The following ACO2 variants were observed in gnomAD, a reference collection of about 807,000 sequenced individuals.
ACO2 encodes the protein aconitate hydratase, mitochondrial.
Under a neutral mutation model 84.5 loss-of-function variants are expected in ACO2, and 31 were observed. The observed-to-expected ratio is 0.37, with a 90% confidence interval of 0.28 to 0.50. The LOEUF (loss-of-function observed/expected upper bound fraction) is 0.50, where lower values mean the gene tolerates loss of function less well. Ranked by LOEUF, ACO2 falls within the 20% of genes least tolerant of loss-of-function variation. ACO2 has a pLI of 0.97. For missense variants in ACO2, 685 were observed against 1,029.3 expected, an observed-to-expected ratio of 0.67 and a Z score of 4.58; for synonymous variants, 414 against 412.7, an observed-to-expected ratio of 1.00 and a Z score of -0.04.
chr22:41,477,277 CTG>C (rs2038028657), intron 1 of ACO2, among the ~76,000 whole-genome samples: 1 of 151,684 alleles, frequency 6.6e-6, no homozygotes, highest in Non-Finnish European at 1.5e-5. Context: ...CCTCAGCCTC[CTG>C]CGTAGCTGGG....
chr22:41,521,827 T>A (rs1343100764), intron 9 of ACO2, among the ~76,000 whole-genome samples: 1 of 150,680 alleles, frequency 6.6e-6, no homozygotes, highest in African/African-American at 2.4e-5. Flanking sequence ...CAGGCTGGAG[T>A]GCAGTGGCAC....
rs141320525 is a variant in ACO2 at position 41,469,705 on chromosome 22, G to A, written c.36+523G>A. 4.3e-3 allele frequency among the ~76,000 whole-genome samples: 661 copies of A among 152,210 alleles called. 6 individuals carry two copies. Among genetic ancestry groups the A allele is most frequent in the African/African-American group, 0.015 (612 of 41,526 alleles). On this transcript the variant is annotated intron_variant, in intron 1 of 17. Transcript: ENST00000216254. ...AACGTGGAATGTCGGGGAGGGGGGC[G>A]GTCTTCTGGGCCCATACGTAGTAAA...
At chr22:41,516,897 T>C (rs1044600977) in intron 6 of ACO2, among the ~76,000 whole-genome samples, 40 of 150,706 alleles carry the variant, frequency 2.7e-4, no homozygotes, top group African/African-American at 9.0e-4. Context: ...TAATTTTTTT[T>C]GTATTTTTTT....
At position 41,474,592 on chromosome 22, in the gene ACO2, CTTTTTTTTTTT is replaced by C. The variant is rs34289556; in HGVS notation, c.36+5424_36+5434del. ...ACAGGCGTGAGCCACTGCGCCTAGC[CTTTTTTTTTTT>C]TTTTTTTTTTTTTGAGACGGAGTCT... On this transcript the variant is annotated intron_variant, in intron 1 of 17. Coordinates refer to ENST00000216254, the MANE Select transcript of ACO2 (RefSeq NM_001098.3). Among the ~76,000 whole-genome samples the C allele has an allele frequency of 1.0e-4, 3 of 29,656 alleles. 1 individual carries two copies. Among genetic ancestry groups the C allele is most frequent in the African/African-American group, 4.4e-4 (3 of 6,832 alleles). 19.5% of individuals were successfully genotyped at this position (29,656 alleles called of 152,430 possible).
intron 1 of ACO2, among the ~76,000 whole-genome samples, chr22:41,476,236 C>A (rs142330436): frequency 1.3e-5 from 2 of 150,814 alleles, no homozygotes; most frequent in Admixed American, 6.6e-5. Context: ...GGTGAAACCC[C>A]GTCTGTACTT....
At chr22:41,475,897 CAAAAA>C (rs34893746) in intron 1 of ACO2, among the ~76,000 whole-genome samples, 1 of 112,952 alleles carries the variant, frequency 8.9e-6, no homozygotes, top group Non-Finnish European at 1.8e-5. Context: ...AACTCTGTCT[CAAAAA>C]AAAAAAAAAA....
intron 1 of ACO2, among the ~76,000 whole-genome samples, chr22:41,480,559 C>T (rs1569001464): frequency 6.6e-6 from 1 of 152,162 alleles, no homozygotes; most frequent in Non-Finnish European, 1.5e-5. Context: ...CACAGGCAGG[C>T]CACGTTTTAG....
rs148231619 is a variant in ACO2 at position 41,520,534 on chromosome 22, C to T, written c.1138+258C>T. 2.2e-4 allele frequency among the ~76,000 whole-genome samples: 33 copies of T among 151,742 alleles called. No homozygotes were observed. The East Asian group carries it at 3.9e-3, about 18-fold the overall frequency. ...CAGCCTGGGCAACATGGAAAAACCC[C>T]GTCTCTTAAAAGAAAATGCAAAAAT... On this transcript the variant is annotated intron_variant, in intron 9 of 17. Coordinates refer to ENST00000216254, the MANE Select transcript of ACO2 (RefSeq NM_001098.3).
rs774028374 is a variant in ACO2, at chr22:41,515,775, C to T, written c.693C>T (p.Gly231=). ...PWELKCPKVI[G]VKLTGSLSGW... ...CGCCCCCTCCTGTCCAGGTGATTGG[C>T]GTGAAGCTGACGGGCTCTCTCTCCG... The change falls in exon 6 of 18, where the codon GGC becomes GGT. Residue 231 remains glycine, a synonymous_variant. Transcript: ENST00000216254. The surrounding 1 kb of genome is among the most constrained non-coding windows in gnomAD (Gnocchi z 5.8). 46 of 1,613,316 alleles carry T rather than the reference C, an allele frequency of 2.9e-5. No individual in the cohort carries two copies. Among genetic ancestry groups the T allele is most frequent in the Non-Finnish European group, 3.2e-5 (38 of 1,179,984 alleles).
Position 41,520,213 on chromosome 22 carries a change from C to T in ACO2, c.1075C>T (p.His359Tyr), listed in dbSNP as rs1372163911. 1.9e-6 allele frequency: 3 copies of T among 1,613,996 alleles called. No individual in the cohort carries two copies. In the East Asian group the frequency reaches 6.7e-5, roughly 36 times the overall value. The change falls in exon 9 of 18, where the codon CAC becomes TAC. Residue 359 changes from histidine (H) to tyrosine (Y), a missense_variant. By Grantham distance (83) the His-to-Tyr change is moderately conservative (BLOSUM62 2). Around this residue, in one of 5 missense-constraint regions of ACO2, gnomAD observed 311 missense variants for 441.6 expected, o/e 0.70. Coordinates refer to ENST00000216254, the MANE Select transcript of ACO2 (RefSeq NM_001098.3). ...TGGGCCCTTCACCCCTGACCTGGCT[C>T]ACCCTGTGGCAGAAGTGGGCAAGGT... ...INGPFTPDLA[H>Y]PVAEVGKVAE...
At chr22:41,516,214 A>G in intron 6 of ACO2, 1 of 599,646 alleles carries the variant, frequency 1.7e-6, no homozygotes, top group Non-Finnish European at 3.0e-6. Flanking sequence ...CCCAGGCCAT[A>G]GCACTAGGCC....
At chr22:41,524,750 G>C in intron 12 of ACO2, 96 bp from the exon 13 acceptor site, 6 of 1,569,734 alleles carry the variant, frequency 3.8e-6, no homozygotes, top group Non-Finnish European at 4.4e-6. Flanking sequence ...GAAATTTCCT[G>C]GGTTCCTTTC....
chr22:41,521,828 G>A (rs1359617590), intron 9 of ACO2, among the ~76,000 whole-genome samples: 1 of 150,896 alleles, frequency 6.6e-6, no homozygotes, highest in Non-Finnish European at 1.5e-5. Flanking sequence ...AGGCTGGAGT[G>A]CAGTGGCACA....
chr22:41,477,843 G>A (rs906653594), intron 1 of ACO2, among the ~76,000 whole-genome samples: 1 of 152,130 alleles, frequency 6.6e-6, no homozygotes, highest in Non-Finnish European at 1.5e-5. Context: ...GAGATGGGTG[G>A]ATCACGAGGT....
At chr22:41,504,330 C>T (rs1027683368) in intron 2 of ACO2, among the ~76,000 whole-genome samples, 18 of 152,338 alleles carry the variant, frequency 1.2e-4, no homozygotes, top group African/African-American at 4.3e-4. Context: ...CAGAAGGGGT[C>T]TAAGTCTGTT....
At chr22:41,484,960 C>T (rs2038134580) in intron 1 of ACO2, among the ~76,000 whole-genome samples, 1 of 148,786 alleles carries the variant, frequency 6.7e-6, no homozygotes, top group African/African-American at 2.5e-5. Flanking sequence ...CTGCAACCTC[C>T]ACTTCCCGGG....
intron 1 of ACO2, among the ~76,000 whole-genome samples, chr22:41,496,672 T>A (rs1601897855): frequency 6.6e-6 from 1 of 152,134 alleles, no homozygotes; most frequent in South Asian, 2.1e-4. Flanking sequence ...CTGTGGAAGG[T>A]CCTTTGATGT....
At position 41,507,962 on chromosome 22, in the gene ACO2, G is replaced by A; in HGVS notation, c.345G>A (p.Leu115=). ...TGCTCCAGTTCATCAGCAGCGGGCT[G>A]TCCAAGGTGGCTGTGCCATCCACCA... ...MAMLQFISSG[L]SKVAVPSTIH... is the part of the protein sequence containing the mutation. The change falls in exon 3 of 18, where the codon CTG becomes CTA. Residue 115 remains leucine, a synonymous_variant. Coordinates refer to ENST00000216254, the MANE Select transcript of ACO2 (RefSeq NM_001098.3). The A allele has an allele frequency of 6.2e-7, 1 of 1,614,254 alleles. No individual in the cohort carries two copies.
intron 1 of ACO2, among the ~76,000 whole-genome samples, chr22:41,470,091 CCT>C (rs1197259336): frequency 2.6e-5 from 4 of 152,148 alleles, no homozygotes; most frequent in Non-Finnish European, 5.9e-5. Flanking sequence ...CCTTGACTCC[CCT>C]GTTAGGAGCT....
Sources: gnomAD v4.1 joint callset for allele counts (sites outside exome capture counted in the v4.1 genomes callset) on GRCh38, gnomAD v4.1.1 for gene constraint, gnomAD v4.1.1 regional missense constraint, Gnocchi (gnomAD v3.1) non-coding constraint, MANE v1.5 for transcripts, NCBI Gene and HGNC (gene_info 2026-07-23, HGNC 2026-07-21) for gene names.